Variants in GRID2 observed in about 807,000 individuals in gnomAD.
GRID2 encodes the protein glutamate ionotropic receptor delta type subunit 2, also known as glutamate receptor ionotropic, delta-2.
GRID2 carries 33 observed loss-of-function variants against 114.8 expected under a neutral mutation model. The ratio of observed to expected loss-of-function variants is 0.29; its 90% CI spans 0.22 to 0.38. GRID2 has a LOEUF of 0.38. Among genes scored for constraint, GRID2 ranks in the 10% least tolerant of loss-of-function variants. The pLI is 1.00. For synonymous variants in GRID2, 505 were observed against 449.9 expected, an observed-to-expected ratio of 1.12 and a Z score of -1.55; for missense variants, 1,184 against 1,257.7, an observed-to-expected ratio of 0.94 and a Z score of 0.89.
chr4:93,048,356 T>C (rs1020527344), intron 2 of GRID2, among the ~76,000 whole-genome samples: 1 of 152,078 alleles, frequency 6.6e-6, no homozygotes, highest in Non-Finnish European at 1.5e-5. Context: ...CTAATTTCTT[T>C]AGTTTTCCCT....
rs1273830039 is a variant in GRID2 at position 93,589,341 on chromosome 4, TG to T, written c.2194-36926del. ...TCTTGCGATAGTTTACTGAGAATGA[TG>T]GTTTCCAATTTCATCCATGTCCCTA... On this transcript the variant is annotated intron_variant, in intron 13 of 15. Coordinates refer to ENST00000282020, the MANE Select transcript of GRID2 (RefSeq NM_001510.4). 2.0e-5 allele frequency among the ~76,000 whole-genome samples: 3 copies of T among 151,824 alleles called. No individual in the cohort carries two copies. In the East Asian group the frequency reaches 5.8e-4, roughly 29 times the overall value.
intron 1 of GRID2, among the ~76,000 whole-genome samples, chr4:92,473,187 A>T (rs1221431201): frequency 6.6e-6 from 1 of 152,058 alleles, no homozygotes; most frequent in East Asian, 1.9e-4. Context: ...CCTTTATCAA[A>T]AATCAATTGA....
chr4:93,527,595 G>C (rs1396758347), intron 13 of GRID2, among the ~76,000 whole-genome samples: 2 of 151,766 alleles, frequency 1.3e-5, no homozygotes. Context: ...ATAAAAATTG[G>C]CTTGTAATAT....
intron 2 of GRID2, among the ~76,000 whole-genome samples, chr4:93,078,521 A>G (rs989826695): frequency 3.3e-5 from 5 of 151,098 alleles, no homozygotes; most frequent in Non-Finnish European, 5.9e-5. Flanking sequence ...GCACATATAT[A>G]TGTGTTCTTT....
chr4:92,991,100 A>AT (rs925128889), intron 2 of GRID2, among the ~76,000 whole-genome samples: 82 of 152,228 alleles, frequency 5.4e-4, no homozygotes, highest in African/African-American at 1.8e-3. Flanking sequence ...TTGTTTCATT[A>AT]TTTTTTATGA....
At chr4:93,152,838 G>A (rs1429405317) in intron 4 of GRID2, among the ~76,000 whole-genome samples, 1 of 152,092 alleles carries the variant, frequency 6.6e-6, no homozygotes, top group Non-Finnish European at 1.5e-5. Context: ...GTGTTCGGCA[G>A]TTATAAATAT....
chr4:93,370,363 C>A (rs2149290031), intron 8 of GRID2, among the ~76,000 whole-genome samples: 1 of 151,412 alleles, frequency 6.6e-6, no homozygotes, highest in African/African-American at 2.4e-5. Flanking sequence ...CTTCATAATA[C>A]TACACACACA....
At chr4:92,773,911 A>G (rs1302488861) in intron 2 of GRID2, among the ~76,000 whole-genome samples, 1 of 152,174 alleles carries the variant, frequency 6.6e-6, no homozygotes, top group Non-Finnish European at 1.5e-5. Context: ...TTAAAAATAT[A>G]TATATTTAAA....
intron 1 of GRID2, among the ~76,000 whole-genome samples, chr4:92,338,229 A>T (rs1048251987): frequency 6.6e-6 from 1 of 152,208 alleles, no homozygotes; most frequent in African/African-American, 2.4e-5. Context: ...TATAAATAAA[A>T]TAGAGGTAAA....
At chr4:93,451,299 G>C (rs1722660876) in intron 10 of GRID2, among the ~76,000 whole-genome samples, 1 of 152,088 alleles carries the variant, frequency 6.6e-6, no homozygotes, top group Admixed American at 6.6e-5. Flanking sequence ...ACTTCTGATA[G>C]TGTAAACAAA....
chr4:93,297,455 A>T lies in GRID2; in HGVS notation c.1245+58965A>T, dbSNP rs528891260. Among the ~76,000 whole-genome samples, 4 of 152,310 alleles carry T rather than the reference A, an allele frequency of 2.6e-5. No individual in the cohort carries two copies. The South Asian group carries it at 8.3e-4, about 32-fold the overall frequency. ...GATATAGTGTAGCAGCTTAAAAGAG[A>T]ATATTTCTTTTGAGGAAAGCATATG... is the stretch of plus-strand genomic sequence containing the variant. On this transcript the variant is annotated intron_variant, in intron 8 of 15. Transcript: ENST00000282020.
intron 2 of GRID2, among the ~76,000 whole-genome samples, chr4:92,621,809 T>TCA (rs1362040734): frequency 6.6e-6 from 1 of 151,798 alleles, no homozygotes; most frequent in Non-Finnish European, 1.5e-5. Context: ...AAGTAGAATT[T>TCA]TTCTTCAAAG....
chr4:92,345,769 T>C (rs555012624), intron 1 of GRID2, among the ~76,000 whole-genome samples: 3 of 152,358 alleles, frequency 2.0e-5, no homozygotes, highest in South Asian at 4.1e-4. Flanking sequence ...CAATACTTTT[T>C]TGACCATCAC....
intron 1 of GRID2, among the ~76,000 whole-genome samples, chr4:92,333,990 T>C (rs900390682): frequency 6.6e-6 from 1 of 152,172 alleles, no homozygotes; most frequent in South Asian, 2.1e-4. Context: ...CTCAGTCTCC[T>C]GAGTAGCTGG....
intron 1 of GRID2, among the ~76,000 whole-genome samples, chr4:92,521,959 G>A (rs937213765): frequency 6.6e-5 from 10 of 152,058 alleles, no homozygotes; most frequent in African/African-American, 2.2e-4. Flanking sequence ...TTGGGAAATA[G>A]TAAACAACAA....
At chr4:93,310,689 C>T (rs138762456) in intron 8 of GRID2, among the ~76,000 whole-genome samples, 1 of 152,090 alleles carries the variant, frequency 6.6e-6, no homozygotes, top group African/African-American at 2.4e-5. Flanking sequence ...TGTATTGGAA[C>T]CTAATTGCAT....
chr4:92,993,425 G>A (rs1462705428), intron 2 of GRID2, among the ~76,000 whole-genome samples: 1 of 151,996 alleles, frequency 6.6e-6, no homozygotes, highest in Non-Finnish European at 1.5e-5. Context: ...CTTACCCAAT[G>A]TGAACTTATG....
intron 2 of GRID2, among the ~76,000 whole-genome samples, chr4:92,620,638 G>A (rs191636889): frequency 6.6e-6 from 1 of 151,802 alleles, no homozygotes; most frequent in African/African-American, 2.4e-5. Flanking sequence ...ATAGTTATGA[G>A]TTTTATGTAA....
intron 1 of GRID2, among the ~76,000 whole-genome samples, chr4:92,519,351 T>A (rs1341707565): frequency 6.6e-6 from 1 of 151,772 alleles, no homozygotes; most frequent in Non-Finnish European, 1.5e-5. Flanking sequence ...AGTAATTAGA[T>A]ATTTACCTGC....
Sources: gnomAD v4.1 joint callset for allele counts (sites outside exome capture counted in the v4.1 genomes callset) on GRCh38, gnomAD v4.1.1 for gene constraint, MANE v1.5 for transcripts, NCBI Gene and HGNC (gene_info 2026-07-23, HGNC 2026-07-21) for gene names.